NCOA3: variants seen among roughly 807,000 people sequenced by gnomAD.
The protein encoded by NCOA3 is CBP-interacting protein.
NCOA3 carries 51 observed loss-of-function variants against 158.8 expected under a neutral mutation model. The observed-to-expected ratio is 0.32, with a 90% CI of 0.26 to 0.41. The LOEUF (loss-of-function observed/expected upper bound fraction) is 0.41. Ranked by LOEUF, NCOA3 falls within the 10% of genes least tolerant of loss-of-function variation. NCOA3 has a pLI of 1.00. For synonymous variants in NCOA3, 537 were observed against 592.4 expected (o/e 0.91, Z 1.36); for missense variants, 1,510 against 1,746.6 (o/e 0.86, Z 2.41).
At position 47,651,396 on chromosome 20, in the gene NCOA3, G is replaced by A. The variant is rs2086792830; in HGVS notation, c.3946+120G>A. On this transcript the variant is annotated intron_variant, in intron 20 of 22. Transcript: ENST00000371998. ...ATTCACTCCCTCTTTACTTCACAAG[G>A]AAAACCAAATTAATTTAAATGATTG... The A allele has an allele frequency of 3.8e-5, 55 of 1,440,276 alleles. No homozygotes were observed. The South Asian group carries it at 7.4e-4, about 19-fold the overall frequency. 89.2% of individuals were successfully genotyped at this position (1,440,276 alleles called of 1,614,324 possible).
At chr20:47,548,510 C>T (rs554585358) in intron 1 of NCOA3, among the ~76,000 whole-genome samples, 59 of 152,050 alleles carry the variant, frequency 3.9e-4, no homozygotes, top group Admixed American at 1.5e-3. Flanking sequence ...TGCCACTGCA[C>T]TCCAGCCTGG....
rs1187269734 is a variant in NCOA3, at chr20:47,651,096, C to T, written c.3766C>T (p.Gln1256Ter). The T allele has an allele frequency of 1.6e-6, 2 of 1,255,988 alleles. No homozygotes were observed. The highest frequency in any genetic ancestry group is 2.2e-6 in the Non-Finnish European group (2 of 913,980). 77.8% of individuals were successfully genotyped at this position (1,255,988 alleles called of 1,614,324 possible). ...MMQQQQQQQQ[Q>*]QQQQQQQQQQ... ...GCAGCAGCAGCAGCAGCAGCAACAGCAGCAGCAGCAGCAGCAGCAGCAGCA... is the reference window on the plus strand; with the variant it reads ...GCAGCAGCAGCAGCAGCAGCAACAGTAGCAGCAGCAGCAGCAGCAGCAGCA... The change falls in exon 20 of 23, where the codon CAG becomes TAG. Residue 1256 changes from glutamine to a stop codon, truncating the protein, a stop_gained. Transcript: ENST00000371998. LOFTEE classifies it high-confidence loss of function.
intron 1 of NCOA3, among the ~76,000 whole-genome samples, chr20:47,563,269 A>C (rs1741747509): frequency 6.6e-6 from 1 of 152,262 alleles, no homozygotes; most frequent in African/African-American, 2.4e-5. Context: ...TAAAAATTAC[A>C]ACAAAATTAT....
Position 47,638,989 on chromosome 20 carries a change from T to C in NCOA3, c.2513-19T>C. The stretch of plus-strand genomic sequence containing the variant: ...ATATTAAATCACGAAGAAATGTTTT[T>C]GTATTGTGTTTTCAACAGGTTTGAA... On this transcript the variant is annotated intron_variant, in intron 13 of 22. Coordinates refer to ENST00000371998, the MANE Select transcript of NCOA3 (RefSeq NM_181659.3). 2 of 1,557,940 alleles carry C rather than the reference T, an allele frequency of 1.3e-6. No individual in the cohort carries two copies. Among genetic ancestry groups the C allele is most frequent in the Non-Finnish European group, 1.7e-6 (2 of 1,148,808 alleles).
At chr20:47,625,353 T>C (rs760751491) in intron 4 of NCOA3, 28 bp from the exon 5 acceptor site, 6 of 1,482,576 alleles carry the variant, frequency 4.0e-6, no homozygotes, top group Non-Finnish European at 5.7e-6. Context: ...TAGTGTGTTA[T>C]TCGTTATACC....
chr20:47,559,530 A>G (rs1041532409), intron 1 of NCOA3, among the ~76,000 whole-genome samples: 1 of 151,978 alleles, frequency 6.6e-6, no homozygotes, highest in Non-Finnish European at 1.5e-5. Context: ...CTTTCTTACT[A>G]AATGTCCTTT....
At chr20:47,545,062 CCACTGTCTTCTGG>C (rs2084805556) in intron 1 of NCOA3, among the ~76,000 whole-genome samples, 1 of 151,212 alleles carries the variant, frequency 6.6e-6, no homozygotes, top group Non-Finnish European at 1.5e-5. Flanking sequence ...ATATGTCATT[CCACTGTCTTCTGG>C]CACAGAGCAT....
At chr20:47,527,805 A>G (rs1047952485) in intron 1 of NCOA3, among the ~76,000 whole-genome samples, 30 of 152,188 alleles carry the variant, frequency 2.0e-4, no homozygotes, top group Admixed American at 2.0e-4. Context: ...TGTTTTAGCC[A>G]TTCTGGTAGA....
chr20:47,563,672 A>T (rs189404981), intron 1 of NCOA3, among the ~76,000 whole-genome samples: 1 of 152,208 alleles, frequency 6.6e-6, no homozygotes, highest in East Asian at 1.9e-4. Flanking sequence ...AGATCACCTG[A>T]GGTCAGGAAT....
intron 1 of NCOA3, among the ~76,000 whole-genome samples, chr20:47,556,610 C>T (rs2146170243): frequency 6.6e-6 from 1 of 152,204 alleles, no homozygotes; most frequent in East Asian, 1.9e-4. Flanking sequence ...GCAACCTCCG[C>T]CTCCTGGGTG....
rs968560162 is a variant in NCOA3 at position 47,655,990 on chromosome 20, G to A, written c.*2573G>A. ...CTGTATTGCCCTTTATCTTTTTTAG[G>A]TAATTCTTTGTACTCCTGCTGTCTA... On this transcript the variant is annotated 3_prime_UTR_variant, in exon 23 of 23. Coordinates refer to ENST00000371998, the MANE Select transcript of NCOA3 (RefSeq NM_181659.3). 2 of 151,748 alleles carry A rather than the reference G, an allele frequency of 1.3e-5. No homozygotes were observed. The highest frequency in any genetic ancestry group is 1.3e-4 in the Admixed American group (2 of 15,204). The allele number at this position is 151,748 out of a possible 1,614,324, so 9.4% of individuals were successfully genotyped here.
Position 47,509,266 on chromosome 20 carries a change from C to T in NCOA3, c.-99+7247C>T, listed in dbSNP as rs72661179. 7.3e-3 allele frequency among the ~76,000 whole-genome samples: 1,105 copies of T among 152,082 alleles called. 22 individuals carry two copies. The highest frequency in any genetic ancestry group is 0.025 in the African/African-American group (1,047 of 41,474). ...AAAATTAGCCGGGCATGGTGATGTGCGCCTGTGGTCCCAGCCGCATGTGAG... is the reference window on the plus strand; with the variant it reads ...AAAATTAGCCGGGCATGGTGATGTGTGCCTGTGGTCCCAGCCGCATGTGAG... On this transcript the variant is annotated intron_variant, in intron 1 of 22. Coordinates refer to ENST00000371998, the MANE Select transcript of NCOA3 (RefSeq NM_181659.3).
At position 47,592,719 on chromosome 20, in the gene NCOA3, C is replaced by G. The variant is rs368992886; in HGVS notation, c.-20+9458C>G. On this transcript the variant is annotated intron_variant, in intron 2 of 22. Coordinates refer to ENST00000371998, the MANE Select transcript of NCOA3 (RefSeq NM_181659.3). ...GTCAGTTAAAATGTTCATACTGTAA[C>G]TGGTGTGAGTGGTGGTCCTGGTAGC... Among the ~76,000 whole-genome samples, 4 of 152,288 alleles carry G rather than the reference C, an allele frequency of 2.6e-5. 1 individual carries two copies. Among genetic ancestry groups the G allele is most frequent in the African/African-American group, 9.6e-5 (4 of 41,562 alleles).
At chr20:47,514,330 C>T (rs958378613) in intron 1 of NCOA3, among the ~76,000 whole-genome samples, 100 of 152,132 alleles carry the variant, frequency 6.6e-4, no homozygotes, top group African/African-American at 2.2e-3. Flanking sequence ...TCACAACAGT[C>T]TCATTCTCAC....
intron 9 of NCOA3, 51 bp downstream of exon 9, chr20:47,633,687 G>A (rs1408862233): frequency 6.4e-7 from 1 of 1,573,368 alleles, no homozygotes; most frequent in Non-Finnish European, 8.6e-7. Context: ...TTTAGAGACA[G>A]GGCCTTGCTA....
intron 2 of NCOA3, among the ~76,000 whole-genome samples, chr20:47,601,145 T>A (rs1456757541): frequency 2.0e-5 from 3 of 152,194 alleles, no homozygotes; most frequent in African/African-American, 7.2e-5. Context: ...CCTTGTGCCA[T>A]GTCGTAACAC....
At chr20:47,584,476 C>T (rs569827461) in intron 2 of NCOA3, among the ~76,000 whole-genome samples, 62 of 152,004 alleles carry the variant, frequency 4.1e-4, no homozygotes, top group African/African-American at 1.3e-3. Flanking sequence ...AAAAATTAGC[C>T]GGGCATAGTG....
intron 1 of NCOA3, among the ~76,000 whole-genome samples, chr20:47,510,316 C>G (rs940902190): frequency 2.0e-5 from 3 of 150,152 alleles, no homozygotes; most frequent in African/African-American, 7.3e-5. Flanking sequence ...GCCTGTAATC[C>G]CAGCTACTCA....
At chr20:47,556,507 T>C (rs543880499) in intron 1 of NCOA3, among the ~76,000 whole-genome samples, 1 of 152,310 alleles carries the variant, frequency 6.6e-6, no homozygotes, top group South Asian at 2.1e-4. Context: ...CAAAATATTT[T>C]GCTTTGAAGT....
Sources: allele counts gnomAD v4.1 joint callset (sites outside exome capture counted in the v4.1 genomes callset), GRCh38; gene constraint gnomAD v4.1.1; transcripts MANE v1.5; gene names NCBI Gene and HGNC (gene_info 2026-07-23, HGNC 2026-07-21).